The following ABI1 variants were observed in gnomAD, a reference collection of about 807,000 sequenced individuals.
ABI1 encodes abl interactor 1, also known as Abelson interactor 1.
ABI1 carries 14 observed loss-of-function variants against 54.6 expected under a neutral mutation model. That is an observed-to-expected ratio of 0.26 (90% CI 0.17 to 0.40). The LOEUF (loss-of-function observed/expected upper bound fraction) is 0.40, where lower values mean the gene tolerates loss of function less well. ABI1 is among the 10% of genes least tolerant of loss of function. The pLI is 1.00. For missense variants in ABI1, 443 were observed against 598.3 expected, an observed-to-expected ratio of 0.74 and a Z score of 2.71; for synonymous variants, 194 against 209.3, an observed-to-expected ratio of 0.93 and a Z score of 0.63.
chr10:26,846,919 C>G (rs185373047), intron 1 of ABI1, among the ~76,000 whole-genome samples: 88 of 152,256 alleles, frequency 5.8e-4, no homozygotes, highest in African/African-American at 1.9e-3. Flanking sequence ...ACTTCTATGA[C>G]ACACCAAGCT....
At chr10:26,807,529 T>G (rs2046954204) in intron 2 of ABI1, among the ~76,000 whole-genome samples, 1 of 152,156 alleles carries the variant, frequency 6.6e-6, no homozygotes, top group South Asian at 2.1e-4. Flanking sequence ...AATCGCAAAC[T>G]TTCTCCTCCA....
rs1304343792 is a variant in ABI1, at chr10:26,860,405, G to A, written c.117+342C>T. The stretch of plus-strand genomic sequence containing the variant: ...GGGACTCCAGCCCTGCGGACTGGAG[G>A]CTACCTGGGGGGCGCGCGACCCCGG... On this transcript the variant is annotated intron_variant, in intron 1 of 10. Coordinates refer to ENST00000376140, the MANE Select transcript of ABI1 (RefSeq NM_001012750.3). The surrounding 1 kb of genome is among the most constrained non-coding windows in gnomAD (Gnocchi z 4.1). 2.0e-5 allele frequency among the ~76,000 whole-genome samples: 3 copies of A among 152,148 alleles called. No individual in the cohort carries two copies. Among genetic ancestry groups the A allele is most frequent in the Non-Finnish European group, 2.9e-5 (2 of 68,016 alleles).
chr10:26,761,397 A>G (rs2132565596), intron 7 of ABI1, among the ~76,000 whole-genome samples: 1 of 151,940 alleles, frequency 6.6e-6, no homozygotes, highest in East Asian at 1.9e-4. Context: ...TTTATCATAA[A>G]ATAAATAATG....
intron 2 of ABI1, among the ~76,000 whole-genome samples, chr10:26,793,965 G>C (rs775347073): frequency 6.6e-6 from 1 of 152,124 alleles, no homozygotes. Context: ...GGCAAGGGCC[G>C]GGTGCAGTGG....
chr10:26,840,562 G>A (rs2049422312), intron 1 of ABI1, among the ~76,000 whole-genome samples: 1 of 152,064 alleles, frequency 6.6e-6, no homozygotes, highest in African/African-American at 2.4e-5. Context: ...CAAAAATCAG[G>A]ACCAGTATGA....
At chr10:26,838,166 G>C (rs2049228286) in intron 1 of ABI1, among the ~76,000 whole-genome samples, 2 of 151,754 alleles carry the variant, frequency 1.3e-5, no homozygotes, top group Admixed American at 6.6e-5. Flanking sequence ...TAGGATTACA[G>C]GTGACCGCCA....
At chr10:26,857,861 AAAAAG>A (rs1485733806) in intron 1 of ABI1, among the ~76,000 whole-genome samples, 8 of 151,162 alleles carry the variant, frequency 5.3e-5, no homozygotes, top group African/African-American at 2.0e-4. Context: ...AAAAAAAAAA[AAAAAG>A]AAAGAAAAAA....
chr10:26,753,763 A>C (rs2132447565), intron 9 of ABI1, among the ~76,000 whole-genome samples: 1 of 152,350 alleles, frequency 6.6e-6, no homozygotes, highest in Non-Finnish European at 1.5e-5. Context: ...ACACACTTTC[A>C]AAGAAAACAG....
chr10:26,852,355 T>C (rs1270818619), intron 1 of ABI1, among the ~76,000 whole-genome samples: 1 of 152,116 alleles, frequency 6.6e-6, no homozygotes, highest in Admixed American at 6.5e-5. Flanking sequence ...GGCGCATCCC[T>C]GTAATCCCAG....
At chr10:26,836,687 C>T (rs1001326349) in intron 1 of ABI1, among the ~76,000 whole-genome samples, 1 of 152,120 alleles carries the variant, frequency 6.6e-6, no homozygotes, top group Non-Finnish European at 1.5e-5. Context: ...TCCCTACCAC[C>T]CCACCAAAAC....
At position 26,777,706 on chromosome 10, in the gene ABI1, CGAGGCTGCAGT is replaced by C. The variant is rs550656011; in HGVS notation, c.286-476_286-466del. On this transcript the variant is annotated intron_variant, in intron 2 of 10. Transcript: ENST00000376140. Reference sequence around the variant, plus strand: ...AGAGGATTGCTTCAACCGGGGAGGTCGAGGCTGCAGTGAGCTGTAATTATGCCACTGCACTC... The same window carrying C: ...AGAGGATTGCTTCAACCGGGGAGGTCGAGCTGTAATTATGCCACTGCACTC... 3.6e-4 allele frequency among the ~76,000 whole-genome samples: 55 copies of C among 151,960 alleles called. No individual in the cohort carries two copies. In the East Asian group the frequency reaches 9.7e-3, roughly 27 times the overall value.
intron 10 of ABI1, among the ~76,000 whole-genome samples, chr10:26,751,276 T>C (rs1338536118): frequency 1.3e-5 from 2 of 152,202 alleles, no homozygotes; most frequent in Non-Finnish European, 2.9e-5. Flanking sequence ...ACTTTTAAAA[T>C]CTTTACTAAT....
At chr10:26,848,494 G>C (rs2050155018) in intron 1 of ABI1, among the ~76,000 whole-genome samples, 1 of 151,514 alleles carries the variant, frequency 6.6e-6, no homozygotes, top group Non-Finnish European at 1.5e-5. Flanking sequence ...GAAACTTTTA[G>C]CAGCAAATCA....
chr10:26,860,779 C>T lies in ABI1; in HGVS notation c.85G>A (p.Val29Met). The T allele has an allele frequency of 6.2e-7, 1 of 1,614,140 alleles. No individual in the cohort carries two copies. The highest frequency in any genetic ancestry group is 8.5e-7 in the Non-Finnish European group (1 of 1,180,018). ...LIESYQNLTR[V>M]ADYCENNYIQ... ...TAGTTGTTTTCACAGTAGTCTGCCACCCGAGTCAGGTTCTGGTAACTCTCG... is the reference window on the plus strand; with the variant it reads ...TAGTTGTTTTCACAGTAGTCTGCCATCCGAGTCAGGTTCTGGTAACTCTCG... The change falls in exon 1 of 11, where the codon GTG (valine) becomes ATG (methionine). Residue 29 changes from valine to methionine, a missense_variant. Physicochemically the swap from Val to Met is conservative, Grantham distance 21. Around this residue, in one of 2 missense-constraint regions of ABI1, gnomAD observed 394 missense variants for 484.8 expected, o/e 0.81. Coordinates refer to ENST00000376140, the MANE Select transcript of ABI1 (RefSeq NM_001012750.3). The surrounding 1 kb of genome is among the most constrained non-coding windows in gnomAD (Gnocchi z 4.1).
At chr10:26,832,301 G>A (rs2048727034) in intron 1 of ABI1, among the ~76,000 whole-genome samples, 1 of 152,106 alleles carries the variant, frequency 6.6e-6, no homozygotes, top group Non-Finnish European at 1.5e-5. Flanking sequence ...AAAGTATGTT[G>A]GCCGGGCGCA....
chr10:26,823,747 G>T (rs575246080), intron 1 of ABI1, among the ~76,000 whole-genome samples: 1 of 152,256 alleles, frequency 6.6e-6, no homozygotes, highest in South Asian at 2.1e-4. Context: ...TGTTATCTAT[G>T]ATGATTCAAG....
At chr10:26,838,927 A>G (rs4372343) in intron 1 of ABI1, among the ~76,000 whole-genome samples, 38,849 of 152,118 alleles carry the variant, frequency 0.26, 5,624 homozygotes, top group South Asian at 0.44. Flanking sequence ...AAAAATGAAC[A>G]AAGTATAATT....
intron 1 of ABI1, among the ~76,000 whole-genome samples, chr10:26,845,885 G>C (rs1313805121): frequency 6.6e-6 from 1 of 151,348 alleles, no homozygotes; most frequent in East Asian, 2.0e-4. Flanking sequence ...GCTCATGCCT[G>C]TAATCCCAGC....
At chr10:26,758,299 T>G (rs1365133437) in intron 8 of ABI1, among the ~76,000 whole-genome samples, 1 of 152,150 alleles carries the variant, frequency 6.6e-6, no homozygotes, top group Non-Finnish European at 1.5e-5. Context: ...GGCACAACTT[T>G]TTAAGCTAAA....
Sources: allele counts gnomAD v4.1 joint callset (sites outside exome capture counted in the v4.1 genomes callset), GRCh38; gene constraint gnomAD v4.1.1; regional missense constraint gnomAD v4.1.1; non-coding constraint Gnocchi (gnomAD v3.1); transcripts MANE v1.5; gene names NCBI Gene and HGNC (gene_info 2026-07-23, HGNC 2026-07-21).